Variants in ZSCAN4 observed in about 807,000 individuals in gnomAD.
ZSCAN4 encodes zinc finger and SCAN domain-containing protein 4.
Under a neutral mutation model 18.3 loss-of-function variants are expected in ZSCAN4, and 18 were observed. That is an observed-to-expected ratio of 0.98 (90% CI 0.68 to 1.46). The LOEUF is 1.46. ZSCAN4 is among the 40% of genes most tolerant of loss of function. The pLI, the probability that ZSCAN4 is intolerant of heterozygous loss-of-function variation, is 0.00. For missense variants in ZSCAN4, 498 were observed against 511.4 expected, an observed-to-expected ratio of 0.97 and a Z score of 0.25; for synonymous variants, 193 against 180.3, an observed-to-expected ratio of 1.07 and a Z score of -0.57.
upstream of ZSCAN4, among the ~76,000 whole-genome samples, chr19:57,667,055 T>A (rs1393291971): frequency 6.6e-6 from 1 of 152,124 alleles, no homozygotes. Context: ...TGTAAACGGG[T>A]CATCTATTTT....
chr19:57,678,760 A>G (rs893461245), exon 5 of ZSCAN4: 8 of 1,614,008 alleles, frequency 5.0e-6, no homozygotes, highest in African/African-American at 1.3e-5. Context: ...CTGCGGTCTC[A>G]TGAGAGAATC....
chr19:57,677,341 A>G (rs1291071211), intron 3 of ZSCAN4, among the ~76,000 whole-genome samples: 1 of 152,190 alleles, frequency 6.6e-6, no homozygotes, highest in Non-Finnish European at 1.5e-5. Flanking sequence ...GTGAGGTTGA[A>G]CAAGGCCACA....
chr19:57,666,896 T>TA (rs1342693214), upstream of ZSCAN4, among the ~76,000 whole-genome samples: 9 of 140,230 alleles, frequency 6.4e-5, no homozygotes, highest in East Asian at 6.2e-4. Context: ...CCTACCAGGT[T>TA]TTTATTATTA....
the ZSCAN4 span, among the ~76,000 whole-genome samples, chr19:57,663,781 T>C: frequency 6.6e-6 from 1 of 152,082 alleles, no homozygotes; most frequent in African/African-American, 2.4e-5. Flanking sequence ...ATTGCATGCT[T>C]TAAATTTTGA....
intron 1 of ZSCAN4, among the ~76,000 whole-genome samples, chr19:57,669,616 G>T (rs75168885): frequency 0.17 from 25,660 of 149,714 alleles, 2,238 homozygotes; most frequent in East Asian, 0.26. Flanking sequence ...TAGTAGAGAT[G>T]GGGTTTCACC....
upstream of ZSCAN4, among the ~76,000 whole-genome samples, chr19:57,667,420 A>G (rs925122461): frequency 6.6e-6 from 1 of 152,176 alleles, no homozygotes; most frequent in African/African-American, 2.4e-5. Flanking sequence ...CAGGCTATGT[A>G]GCACTGGCCA....
chr19:57,678,879 G>C (rs972154432), exon 5 of ZSCAN4: 8 of 1,608,788 alleles, frequency 5.0e-6, no homozygotes, highest in Non-Finnish European at 6.8e-6. Flanking sequence ...CCTGCCAAGT[G>C]TTCCCTCCAC....
chr19:57,655,263 C>T, the ZSCAN4 span, among the ~76,000 whole-genome samples: 1 of 152,180 alleles, frequency 6.6e-6, no homozygotes, highest in Non-Finnish European at 1.5e-5. Flanking sequence ...ATCACGTGGG[C>T]CCATCCTAGA....
the ZSCAN4 span, among the ~76,000 whole-genome samples, chr19:57,663,574 G>C: frequency 7.0e-6 from 1 of 142,202 alleles, no homozygotes; most frequent in Non-Finnish European, 1.5e-5. Context: ...TCATGAGCCT[G>C]TAATCCCAGC....
chr19:57,672,155 C>A (rs978932106), intron 2 of ZSCAN4, among the ~76,000 whole-genome samples: 19 of 152,080 alleles, frequency 1.2e-4, no homozygotes, highest in Admixed American at 9.2e-4. Context: ...ACTTTTACTT[C>A]TGAATCCTAA....
chr19:57,672,586 A>G (rs772893349), intron 2 of ZSCAN4, among the ~76,000 whole-genome samples: 3 of 149,842 alleles, frequency 2.0e-5, no homozygotes, highest in Non-Finnish European at 3.0e-5. Context: ...TAACATATTC[A>G]TCACCTCACA....
chr19:57,667,305 A>G (rs918558281), upstream of ZSCAN4, among the ~76,000 whole-genome samples: 20 of 152,216 alleles, frequency 1.3e-4, no homozygotes, highest in African/African-American at 4.3e-4. Flanking sequence ...CCCATTCCCT[A>G]GAAAGCTGCT....
exon 5 of ZSCAN4, chr19:57,678,316 A>G: frequency 1.2e-6 from 2 of 1,614,190 alleles, no homozygotes; most frequent in Non-Finnish European, 8.5e-7. Context: ...GTTTCTTCTG[A>G]CAACCCATAC....
exon 5 of ZSCAN4, chr19:57,678,442 A>G: frequency 1.2e-6 from 2 of 1,614,146 alleles, no homozygotes; most frequent in Admixed American, 3.3e-5. Context: ...CAACCAGAGC[A>G]GTCCTCCCCT....
exon 5 of ZSCAN4, chr19:57,679,076 A>G (rs1345090782): frequency 4.4e-6 from 3 of 677,114 alleles, no homozygotes; most frequent in African/African-American, 3.7e-5. Context: ...TTTGTTCACT[A>G]AAGTATTCCA....
the ZSCAN4 span, among the ~76,000 whole-genome samples, chr19:57,655,174 A>G: frequency 2.6e-5 from 4 of 151,788 alleles, no homozygotes; most frequent in African/African-American, 9.7e-5. Flanking sequence ...CATACAAAGA[A>G]CCTCCTTTCC....
At chr19:57,662,108 G>C in the ZSCAN4 span, among the ~76,000 whole-genome samples, 2 of 147,682 alleles carry the variant, frequency 1.4e-5, no homozygotes, top group African/African-American at 4.9e-5. Flanking sequence ...AAGAAAAAAA[G>C]AACTGCCAAT....
At chr19:57,665,469 A>G (rs947961883), upstream of ZSCAN4, among the ~76,000 whole-genome samples, 10 of 152,186 alleles carry the variant, frequency 6.6e-5, no homozygotes, top group African/African-American at 2.2e-4. Flanking sequence ...ACTTGGTGTC[A>G]AATTTTGTAT....
Position 57,675,998 on chromosome 19 carries a change from T to C in ZSCAN4, c.-105-43T>C, listed in dbSNP as rs1020936098. On this transcript the variant is annotated intron_variant, in intron 2 of 4. Transcript: ENST00000318203. The stretch of plus-strand genomic sequence containing the variant: ...TTTTTGGTTGATTTGTCTTTAATTA[T>C]GCCAGTGGTGCAATTAATTACTCAT... 1.2e-5 allele frequency: 9 copies of C among 764,976 alleles called. No individual in the cohort carries two copies. In the Admixed American group the frequency reaches 1.8e-4, roughly 15 times the overall value. The allele number at this position is 764,976 out of a possible 1,614,324, so 47.4% of individuals were successfully genotyped here. A position where few individuals can be genotyped will look rare whatever the true frequency, so the allele number is the denominator to read the frequency against.
Sources: allele counts gnomAD v4.1 joint callset (sites outside exome capture counted in the v4.1 genomes callset), GRCh38; gene constraint gnomAD v4.1.1; transcripts MANE v1.5; gene names NCBI Gene and HGNC (gene_info 2026-07-23, HGNC 2026-07-21).